XIRP2: variants seen among roughly 807,000 people sequenced by gnomAD.
XIRP2 encodes xin actin-binding repeat-containing protein 2.
A neutral mutation model predicts 277.0 loss-of-function variants in XIRP2; 236 were observed. That is an observed-to-expected ratio of 0.85 (90% CI 0.77 to 0.95). The LOEUF is 0.95. Among genes scored for constraint, XIRP2 ranks in the 40% least tolerant of loss-of-function variants. The pLI is 0.00. For synonymous variants in XIRP2, 1,490 were observed against 1,416.5 expected (o/e 1.05, Z -1.17); for missense variants, 4,640 against 4,157.5 (o/e 1.12, Z -3.19).
At chr2:167,196,007 A>C (rs758237158) in intron 3 of XIRP2, among the ~76,000 whole-genome samples, 3 of 152,102 alleles carry the variant, frequency 2.0e-5, no homozygotes, top group Non-Finnish European at 2.9e-5. Context: ...ATTTTCCCAT[A>C]ATGTGCTACT....
chr2:167,170,503 G>A (rs78874142), intron 3 of XIRP2, among the ~76,000 whole-genome samples: 2,190 of 152,154 alleles, frequency 0.014, 33 homozygotes, highest in East Asian at 0.048. Context: ...AGAGCTATTT[G>A]TATATTTTAT....
At chr2:167,114,816 G>A (rs1690852838) in intron 2 of XIRP2, among the ~76,000 whole-genome samples, 1 of 152,128 alleles carries the variant, frequency 6.6e-6, no homozygotes, top group Non-Finnish European at 1.5e-5. Context: ...TGGTGTATAT[G>A]TGCCACATTT....
chr2:167,232,867 T>C (rs1694800596), intron 5 of XIRP2, among the ~76,000 whole-genome samples: 1 of 151,894 alleles, frequency 6.6e-6, no homozygotes, highest in Admixed American at 6.6e-5. Flanking sequence ...CTTAGATTTA[T>C]TTACTTTTCT....
rs115614951 is a variant in XIRP2 at position 167,106,695 on chromosome 2, T to C, written c.409-29214T>C. ...TTCTTTGCTTTCCATATGAATTCTA[T>C]AAAAGTGTTGTCTTTATCTACAAAA... On this transcript the variant is annotated intron_variant, in intron 2 of 10. Coordinates refer to ENST00000409195, the MANE Select transcript of XIRP2 (RefSeq NM_152381.6). 7.0e-3 allele frequency among the ~76,000 whole-genome samples: 1,057 copies of C among 151,806 alleles called. 12 individuals carry two copies. The highest frequency in any genetic ancestry group is 0.024 in the African/African-American group (998 of 41,540).
At chr2:167,080,553 C>T (rs1689701749) in intron 2 of XIRP2, among the ~76,000 whole-genome samples, 1 of 152,140 alleles carries the variant, frequency 6.6e-6, no homozygotes, top group Non-Finnish European at 1.5e-5. Flanking sequence ...TATTCAATTC[C>T]TCTCATCCCT....
At chr2:167,061,365 A>G (rs1465725741) in intron 2 of XIRP2, among the ~76,000 whole-genome samples, 1 of 152,016 alleles carries the variant, frequency 6.6e-6, no homozygotes. Flanking sequence ...TATTGCTTTC[A>G]TTTAGATCTC....
In XIRP2 at chr2:167,251,937, AT is replaced by A. The variant is rs1695522914; in HGVS notation, c.10548del (p.Phe3516LeufsTer2). On this transcript the variant is annotated frameshift_variant, in exon 9 of 11. Transcript: ENST00000409195. LOFTEE classifies it high-confidence loss of function. ...GAACCACCTTCCAAGAGGAATCTGCATTTATAAGTGGTAAATGAGCTTGCAA... is the reference window on the plus strand; with the variant it reads ...GAACCACCTTCCAAGAGGAATCTGCATTATAAGTGGTAAATGAGCTTGCAA... ...MRTTFQEESA[F>X]ISEAAAPRQG... The A allele has an allele frequency of 2.6e-6, 4 of 1,550,868 alleles. No homozygotes were observed. Among genetic ancestry groups the A allele is most frequent in the Non-Finnish European group, 3.5e-6 (4 of 1,155,774 alleles).
intron 2 of XIRP2, among the ~76,000 whole-genome samples, chr2:167,122,041 T>C (rs1182759143): frequency 6.6e-6 from 1 of 152,220 alleles, no homozygotes; most frequent in Non-Finnish European, 1.5e-5. Flanking sequence ...CACAGCATTC[T>C]TTCTGTTAGG....
chr2:167,183,440 A>T (rs937273426), intron 3 of XIRP2, among the ~76,000 whole-genome samples: 19 of 152,188 alleles, frequency 1.2e-4, no homozygotes, highest in Admixed American at 1.2e-3. Context: ...GATATTTAAT[A>T]AAAAATATCC....
At chr2:167,148,220 A>G (rs548329557) in intron 3 of XIRP2, among the ~76,000 whole-genome samples, 1 of 151,828 alleles carries the variant, frequency 6.6e-6, no homozygotes, top group Non-Finnish European at 1.5e-5. Flanking sequence ...CATCTCTAAT[A>G]AAAATATAAA....
At chr2:167,193,381 G>A (rs1348146725) in intron 3 of XIRP2, among the ~76,000 whole-genome samples, 1 of 152,110 alleles carries the variant, frequency 6.6e-6, no homozygotes, top group Non-Finnish European at 1.5e-5. Flanking sequence ...ATACACCAAT[G>A]TGTATGTATG....
At chr2:166,964,588 T>C (rs1686378322) in intron 2 of XIRP2, among the ~76,000 whole-genome samples, 1 of 151,856 alleles carries the variant, frequency 6.6e-6, no homozygotes, top group Non-Finnish European at 1.5e-5. Context: ...CTCTTGATCC[T>C]CCTTTTATCA....
At chr2:166,978,598 T>C (rs191990853) in intron 2 of XIRP2, among the ~76,000 whole-genome samples, 2 of 152,340 alleles carry the variant, frequency 1.3e-5, no homozygotes, top group Admixed American at 1.3e-4. Context: ...GTTGAATATA[T>C]TTACAAATGC....
intron 2 of XIRP2, among the ~76,000 whole-genome samples, chr2:166,933,153 A>T (rs943464397): frequency 2.1e-5 from 3 of 144,556 alleles, no homozygotes; most frequent in Non-Finnish European, 3.1e-5. Flanking sequence ...TTATATATCA[A>T]TTTTTTTTTT....
At chr2:166,950,843 C>A (rs531538314) in intron 2 of XIRP2, among the ~76,000 whole-genome samples, 2 of 152,100 alleles carry the variant, frequency 1.3e-5, no homozygotes, top group Admixed American at 6.6e-5. Flanking sequence ...AATAGATAGA[C>A]AGTACAAAGT....
chr2:167,032,424 G>A (rs764868067), intron 2 of XIRP2, among the ~76,000 whole-genome samples: 3 of 152,086 alleles, frequency 2.0e-5, no homozygotes, highest in Non-Finnish European at 4.4e-5. Flanking sequence ...AAAAGCAACT[G>A]CAGAAAAAGC....
intron 2 of XIRP2, among the ~76,000 whole-genome samples, chr2:167,014,715 A>G (rs891395752): frequency 7.9e-5 from 12 of 151,854 alleles, no homozygotes; most frequent in Admixed American, 1.3e-4. Context: ...GTTGAGCAGA[A>G]TGAATGATGT....
At chr2:167,029,730 T>A (rs1688279984) in intron 2 of XIRP2, among the ~76,000 whole-genome samples, 1 of 152,122 alleles carries the variant, frequency 6.6e-6, no homozygotes, top group African/African-American at 2.4e-5. Flanking sequence ...TAAAATGAGT[T>A]AGGGAGGAGT....
At chr2:166,914,778 T>C (rs1280102783) in intron 2 of XIRP2, among the ~76,000 whole-genome samples, 2 of 152,212 alleles carry the variant, frequency 1.3e-5, no homozygotes, top group African/African-American at 4.8e-5. Context: ...GGAGTTTTTC[T>C]CTATTCTTCC....
Sources: allele counts gnomAD v4.1 joint callset (sites outside exome capture counted in the v4.1 genomes callset), GRCh38; gene constraint gnomAD v4.1.1; transcripts MANE v1.5; gene names NCBI Gene and HGNC (gene_info 2026-07-23, HGNC 2026-07-21).